The following NRXN1 variants were observed in gnomAD, a reference collection of about 807,000 sequenced individuals.
NRXN1 encodes the protein neurexin-1.
NRXN1 carries 39 observed loss-of-function variants against 150.9 expected under a neutral mutation model. That is an observed-to-expected ratio of 0.26 (90% CI 0.20 to 0.34). NRXN1 has a LOEUF of 0.34. Among genes scored for constraint, NRXN1 ranks in the 10% least tolerant of loss-of-function variants. The probability of loss-of-function intolerance (pLI) is 1.00; values close to 1 mark genes in which losing one functional copy is unlikely to be tolerated. For synonymous variants in NRXN1, 924 were observed against 757.0 expected, an observed-to-expected ratio of 1.22 and a Z score of -3.62; for missense variants, 1,815 against 1,949.9, an observed-to-expected ratio of 0.93 and a Z score of 1.30.
At chr2:50,426,245 G>T (rs1309412366) in intron 17 of NRXN1, among the ~76,000 whole-genome samples, 4 of 152,174 alleles carry the variant, frequency 2.6e-5, no homozygotes, top group Non-Finnish European at 4.4e-5. Flanking sequence ...AAAGAACCGT[G>T]AATGCCACCA....
intron 5 of NRXN1, among the ~76,000 whole-genome samples, chr2:50,873,801 G>C (rs1032815559): frequency 1.3e-5 from 2 of 151,810 alleles, no homozygotes; most frequent in Non-Finnish European, 2.9e-5. Context: ...TTATGGCCAA[G>C]AGCTGGTCAT....
chr2:50,364,715 G>T (rs557003772), intron 17 of NRXN1, among the ~76,000 whole-genome samples: 29 of 152,202 alleles, frequency 1.9e-4, no homozygotes, highest in South Asian at 8.3e-4. Flanking sequence ...GGTAAAAGAA[G>T]AGTAAAGGTG....
chr2:50,806,989 ATTAAT>A (rs1358927333), intron 5 of NRXN1, among the ~76,000 whole-genome samples: 1 of 152,076 alleles, frequency 6.6e-6, no homozygotes, highest in Non-Finnish European at 1.5e-5. Flanking sequence ...ATAATTTGTG[ATTAAT>A]TTATTTTGCT....
Position 50,506,600 on chromosome 2 carries a change from G to A in NRXN1, c.2392C>T (p.Leu798Phe), listed in dbSNP as rs1393239626. The change falls in exon 13 of 23, where the codon CTT (leucine) becomes TTT (phenylalanine). Residue 798 changes from leucine (L) to phenylalanine (F), a missense_variant. By Grantham distance (22) the Leu-to-Phe change is conservative (BLOSUM62 0). Around this residue, in one of 6 missense-constraint regions of NRXN1, gnomAD observed 638 missense variants for 652.6 expected, o/e 0.98. Coordinates refer to ENST00000401669, the MANE Select transcript of NRXN1 (RefSeq NM_001330078.2). The part of the protein sequence containing the change: ...NCNSSKGPET[L>F]FAGYNLNDNE... ...TCATTGAGGTTATAGCCAGCAAAAA[G>A]AGTCTCGGGACCTTTGCCTGTAGAA... 6.2e-7 allele frequency: 1 copy of A among 1,613,328 alleles called. No homozygotes were observed. The highest frequency in any genetic ancestry group is 1.1e-5 in the South Asian group (1 of 91,042).
At chr2:50,424,960 G>A (rs533759218) in intron 17 of NRXN1, among the ~76,000 whole-genome samples, 61 of 152,278 alleles carry the variant, frequency 4.0e-4, no homozygotes, top group African/African-American at 1.4e-3. Context: ...TAGTAACAAT[G>A]AGAAACTGCT....
At chr2:50,887,222 A>G (rs1680383426) in intron 5 of NRXN1, among the ~76,000 whole-genome samples, 1 of 151,470 alleles carries the variant, frequency 6.6e-6, no homozygotes, top group African/African-American at 2.4e-5. Context: ...GATGTTGAAA[A>G]AGAAAATTTT....
At chr2:50,257,439 C>T (rs2067808690) in intron 17 of NRXN1, among the ~76,000 whole-genome samples, 1 of 152,082 alleles carries the variant, frequency 6.6e-6, no homozygotes, top group Non-Finnish European at 1.5e-5. Flanking sequence ...ACAGCATTTA[C>T]TTTAGAAAAC....
intron 17 of NRXN1, among the ~76,000 whole-genome samples, chr2:50,397,556 A>G (rs892171528): frequency 1.4e-4 from 21 of 152,210 alleles, no homozygotes; most frequent in Admixed American, 1.3e-3. Flanking sequence ...CGTGAAGCTT[A>G]TCAAGGAGTT....
chr2:50,419,750 C>G lies in NRXN1; in HGVS notation c.3364+45692G>C, dbSNP rs1520441. Among the ~76,000 whole-genome samples the G allele has an allele frequency of 3.6e-4, 55 of 151,982 alleles. 1 individual carries two copies. Among genetic ancestry groups the G allele is most frequent in the Non-Finnish European group, 7.4e-5 (5 of 67,958 alleles). ...ATGTAAAAACATTAAAACAAAAATT[C>G]TCCACCATGAAAACAGAAAATATAT... On this transcript the variant is annotated intron_variant, in intron 17 of 22. Coordinates refer to ENST00000401669, the MANE Select transcript of NRXN1 (RefSeq NM_001330078.2).
intron 18 of NRXN1, among the ~76,000 whole-genome samples, chr2:50,151,902 A>AT (rs1353263247): frequency 4.6e-5 from 7 of 151,860 alleles, no homozygotes; most frequent in Admixed American, 4.0e-4. Flanking sequence ...AGTATGAGCA[A>AT]TTCTACAGAT....
intron 5 of NRXN1, among the ~76,000 whole-genome samples, chr2:50,883,144 C>T (rs1016125050): frequency 2.0e-5 from 3 of 151,612 alleles, no homozygotes; most frequent in Non-Finnish European, 2.9e-5. Context: ...AAGTCTTGAC[C>T]TTTGTTTTGT....
At chr2:50,145,309 C>G (rs1707841014) in intron 18 of NRXN1, among the ~76,000 whole-genome samples, 1 of 151,686 alleles carries the variant, frequency 6.6e-6, no homozygotes, top group Non-Finnish European at 1.5e-5. Flanking sequence ...TACACACACA[C>G]ACACAGAAAT....
At chr2:50,467,754 G>A (rs2089050576) in intron 16 of NRXN1, among the ~76,000 whole-genome samples, 1 of 151,202 alleles carries the variant, frequency 6.6e-6, no homozygotes, top group African/African-American at 2.4e-5. Context: ...CCAAATCCAG[G>A]AAACCTGAAG....
chr2:50,514,520 A>C (rs957405088), intron 12 of NRXN1, among the ~76,000 whole-genome samples: 2 of 152,240 alleles, frequency 1.3e-5, no homozygotes, highest in African/African-American at 4.8e-5. Context: ...TTACAGTCAA[A>C]GGAACTTACA....
chr2:50,537,165 C>A (rs188865220), intron 10 of NRXN1, among the ~76,000 whole-genome samples: 4 of 151,938 alleles, frequency 2.6e-5, no homozygotes, highest in African/African-American at 9.7e-5. Context: ...AGGAGGTTTT[C>A]GGCAAACTGA....
intron 2 of NRXN1, among the ~76,000 whole-genome samples, chr2:51,025,092 A>G (rs1250845914): frequency 6.6e-6 from 1 of 152,100 alleles, no homozygotes; most frequent in Non-Finnish European, 1.5e-5. Flanking sequence ...AGGAAGACTG[A>G]CTCTGCCTTT....
chr2:50,019,947 C>CAAAAAAAAAAAAAAAAAA (rs1161865745), intron 21 of NRXN1, among the ~76,000 whole-genome samples: 4 of 43,364 alleles, frequency 9.2e-5, no homozygotes, highest in Admixed American at 2.5e-4. Flanking sequence ...GACTCCGTCT[C>CAAAAAAAAAAAAAAAAAA]AAAAAAAAAA....
In NRXN1 at chr2:50,347,603, C is replaced by T. The variant is rs2078126678; in HGVS notation, c.3365-110633G>A. ...CCCGAGGCAATCTCCGCGTCCGCCG[C>T]CTCCTGACACTTACGCCCGGCGAGG... On this transcript the variant is annotated intron_variant, in intron 17 of 22. Transcript: ENST00000401669. The surrounding 1 kb of genome is among the most constrained non-coding windows in gnomAD (Gnocchi z 4.9). The T allele has an allele frequency of 2.0e-6, 2 of 1,009,868 alleles. No homozygotes were observed. Among genetic ancestry groups the T allele is most frequent in the African/African-American group, 1.7e-5 (1 of 57,334 alleles). 62.6% of individuals were successfully genotyped at this position (1,009,868 alleles called of 1,614,324 possible).
chr2:50,448,364 T>G (rs75532634), intron 17 of NRXN1, among the ~76,000 whole-genome samples: 2,791 of 152,216 alleles, frequency 0.018, 103 homozygotes, highest in African/African-American at 0.064. Context: ...CCTGACTCCA[T>G]TGTATTGTAA....
Sources: gnomAD v4.1 joint callset for allele counts (sites outside exome capture counted in the v4.1 genomes callset) on GRCh38, gnomAD v4.1.1 for gene constraint, gnomAD v4.1.1 regional missense constraint, Gnocchi (gnomAD v3.1) non-coding constraint, MANE v1.5 for transcripts, NCBI Gene and HGNC (gene_info 2026-07-23, HGNC 2026-07-21) for gene names.